Variants in RCAN2 observed in about 807,000 individuals in gnomAD.
RCAN2 encodes the protein calcipressin-2.
A neutral mutation model predicts 23.6 loss-of-function variants in RCAN2; 9 were observed. The ratio of observed to expected loss-of-function variants is 0.38; its 90% CI spans 0.23 to 0.67. The LOEUF is 0.67. RCAN2 is among the 30% of genes least tolerant of loss of function. The probability of loss-of-function intolerance (pLI) is 0.51; values close to 1 mark genes in which losing one functional copy is unlikely to be tolerated. For synonymous variants in RCAN2, 109 were observed against 115.7 expected (o/e 0.94, Z 0.37); for missense variants, 273 against 302.3 (o/e 0.90, Z 0.72).
intron 1 of RCAN2, among the ~76,000 whole-genome samples, chr6:46,490,175 A>G (rs1769099893): frequency 6.6e-6 from 1 of 152,214 alleles, no homozygotes; most frequent in African/African-American, 2.4e-5. Context: ...TCCCCTCTGC[A>G]TGATAAGTTG....
At chr6:46,315,914 CA>C (rs1763419896) in intron 2 of RCAN2, among the ~76,000 whole-genome samples, 1 of 10,094 alleles carries the variant, frequency 9.9e-5, no homozygotes, top group Non-Finnish European at 4.3e-4. Flanking sequence ...TTGGAAGAGA[CA>C]AGAAAAGAGG....
At chr6:46,318,434 A>G (rs1459516377) in intron 2 of RCAN2, among the ~76,000 whole-genome samples, 1 of 152,188 alleles carries the variant, frequency 6.6e-6, no homozygotes, top group Non-Finnish European at 1.5e-5. Flanking sequence ...TAGATTCTGG[A>G]AAGAATAACT....
intron 2 of RCAN2, among the ~76,000 whole-genome samples, chr6:46,365,785 A>T (rs566685287): frequency 9.8e-5 from 15 of 152,312 alleles, no homozygotes; most frequent in African/African-American, 3.6e-4. Context: ...TTAGCTAGTT[A>T]TTTGATGAGC....
At chr6:46,279,320 G>A (rs534017025) in intron 2 of RCAN2, among the ~76,000 whole-genome samples, 2 of 152,256 alleles carry the variant, frequency 1.3e-5, no homozygotes, top group Admixed American at 6.5e-5. Flanking sequence ...GTGCCCAATT[G>A]TCTCCTTCTT....
intron 2 of RCAN2, among the ~76,000 whole-genome samples, chr6:46,386,131 G>T (rs1207284146): frequency 6.6e-6 from 1 of 151,990 alleles, no homozygotes; most frequent in Non-Finnish European, 1.5e-5. Context: ...TCTGACAAAG[G>T]TCTAATATCC....
rs370810758 is a variant in RCAN2, at chr6:46,409,984, A to G, written c.225+46768T>C. On this transcript the variant is annotated intron_variant, in intron 2 of 4. Coordinates refer to ENST00000371374, the MANE Select transcript of RCAN2 (RefSeq NM_001251974.2). Reference sequence around the variant, plus strand: ...CAATCAGCTGGAGGTCAGACAGAACAAAAGGCAAAGGAAAGGTGATTTTGT... The same window carrying G: ...CAATCAGCTGGAGGTCAGACAGAACGAAAGGCAAAGGAAAGGTGATTTTGT... Among the ~76,000 whole-genome samples, 22 of 152,288 alleles carry G rather than the reference A, an allele frequency of 1.4e-4. No individual in the cohort carries two copies. In the East Asian group the frequency reaches 3.5e-3, roughly 24 times the overall value.
chr6:46,488,197 C>G (rs903478951), intron 1 of RCAN2, among the ~76,000 whole-genome samples: 1 of 152,212 alleles, frequency 6.6e-6, no homozygotes, highest in Non-Finnish European at 1.5e-5. Context: ...ATTCAGAATG[C>G]TGGTCAGAGC....
At chr6:46,395,890 G>A (rs1011731628) in intron 2 of RCAN2, among the ~76,000 whole-genome samples, 21 of 152,084 alleles carry the variant, frequency 1.4e-4, no homozygotes, top group African/African-American at 3.6e-4. Flanking sequence ...AGCTGATCCC[G>A]TTCTGATTGT....
chr6:46,227,608 T>A (rs1426514794), intron 4 of RCAN2, among the ~76,000 whole-genome samples: 2 of 152,234 alleles, frequency 1.3e-5, no homozygotes, highest in Non-Finnish European at 2.9e-5. Flanking sequence ...GTAGTTTGTA[T>A]TTCTGTGGGA....
At chr6:46,476,680 G>A (rs1362723569) in intron 1 of RCAN2, among the ~76,000 whole-genome samples, 1 of 152,118 alleles carries the variant, frequency 6.6e-6, no homozygotes, top group Admixed American at 6.5e-5. Context: ...GGAGTAATAG[G>A]AGTATCTTTT....
intron 2 of RCAN2, among the ~76,000 whole-genome samples, chr6:46,303,593 G>A (rs917840981): frequency 6.6e-6 from 1 of 151,926 alleles, no homozygotes. Flanking sequence ...CCCAGCTCCG[G>A]ATTTAAAACG....
chr6:46,376,917 G>C (rs1036528954), intron 2 of RCAN2, among the ~76,000 whole-genome samples: 1 of 150,972 alleles, frequency 6.6e-6, no homozygotes, highest in African/African-American at 2.4e-5. Flanking sequence ...TTGCTCATGT[G>C]GAAGTGTAGA....
chr6:46,435,364 T>C (rs9367246), intron 2 of RCAN2, among the ~76,000 whole-genome samples: 55,853 of 152,164 alleles, frequency 0.37, 12,386 homozygotes, highest in East Asian at 0.59. Flanking sequence ...TGATGCTTCC[T>C]GCACTATTTT....
At chr6:46,280,626 G>A (rs1298342915) in intron 2 of RCAN2, among the ~76,000 whole-genome samples, 1 of 152,162 alleles carries the variant, frequency 6.6e-6, no homozygotes, top group Non-Finnish European at 1.5e-5. Flanking sequence ...TATTTTAAAG[G>A]GGATTCTGCT....
chr6:46,419,843 T>C (rs984941336), intron 2 of RCAN2, among the ~76,000 whole-genome samples: 1 of 152,128 alleles, frequency 6.6e-6, no homozygotes, highest in Non-Finnish European at 1.5e-5. Flanking sequence ...AGTTTGCTGG[T>C]TCATTTATTC....
intron 2 of RCAN2, among the ~76,000 whole-genome samples, chr6:46,289,232 C>T (rs1762463514): frequency 6.6e-6 from 1 of 151,672 alleles, no homozygotes; most frequent in African/African-American, 2.4e-5. Context: ...TAACCAACTT[C>T]ACTATTTTTT....
At chr6:46,427,911 T>C (rs1767079734) in intron 2 of RCAN2, among the ~76,000 whole-genome samples, 1 of 152,232 alleles carries the variant, frequency 6.6e-6, no homozygotes, top group African/African-American at 2.4e-5. Flanking sequence ...GATGAATCTG[T>C]TATGGCTAAG....
At chr6:46,355,869 G>A (rs1764814549) in intron 2 of RCAN2, among the ~76,000 whole-genome samples, 1 of 152,222 alleles carries the variant, frequency 6.6e-6, no homozygotes, top group Non-Finnish European at 1.5e-5. Flanking sequence ...AGGAAATAAT[G>A]GGGATATTTC....
At chr6:46,400,954 A>G (rs1422659392) in intron 2 of RCAN2, among the ~76,000 whole-genome samples, 1 of 152,212 alleles carries the variant, frequency 6.6e-6, no homozygotes, top group Non-Finnish European at 1.5e-5. Flanking sequence ...GCCTCATTCC[A>G]GGAAAGTCTA....
Sources: gnomAD v4.1 joint callset for allele counts (sites outside exome capture counted in the v4.1 genomes callset) on GRCh38, gnomAD v4.1.1 for gene constraint, MANE v1.5 for transcripts, NCBI Gene and HGNC (gene_info 2026-07-23, HGNC 2026-07-21) for gene names.